CYP3A4: variants seen among roughly 807,000 people sequenced by gnomAD.
CYP3A4 encodes cytochrome P450 family 3 subfamily A member 4, also known as cytochrome P450 3A4.
A neutral mutation model predicts 54.9 loss-of-function variants in CYP3A4; 41 were observed. The observed-to-expected ratio is 0.75, with a 90% confidence interval of 0.58 to 0.97. The LOEUF (loss-of-function observed/expected upper bound fraction) is 0.97, where lower values mean the gene tolerates loss of function less well. Among genes scored for constraint, CYP3A4 ranks in the 50% least tolerant of loss-of-function variants. CYP3A4 has a pLI of 0.00. For synonymous variants in CYP3A4, 179 were observed against 205.2 expected (o/e 0.87, Z 1.09); for missense variants, 510 against 597.3 (o/e 0.85, Z 1.52).
chr7:99,769,747 C>A, intron 6 of CYP3A4, 21 bp downstream of exon 6: 1 of 1,613,706 alleles, frequency 6.2e-7, no homozygotes, highest in Non-Finnish European at 8.5e-7. Flanking sequence ...CTCAGAACCC[C>A]ATGGCTGCGC....
At chr7:99,763,361 T>C (rs1002087603) in intron 10 of CYP3A4, among the ~76,000 whole-genome samples, 1 of 152,004 alleles carries the variant, frequency 6.6e-6, no homozygotes, top group African/African-American at 2.4e-5. Context: ...ACCACTAGCA[T>C]CAAATAACAT....
At chr7:99,764,850 A>G (rs1471339441) in intron 9 of CYP3A4, among the ~76,000 whole-genome samples, 1 of 152,192 alleles carries the variant, frequency 6.6e-6, no homozygotes, top group Non-Finnish European at 1.5e-5. Flanking sequence ...AAATAGCATA[A>G]GCTCCTATGA....
In CYP3A4 at chr7:99,764,032, G is replaced by A. The variant is rs1815417454; in HGVS notation, c.866-17C>T. 6.2e-7 allele frequency: 1 copy of A among 1,613,714 alleles called. No individual in the cohort carries two copies. ...CGGACAGAGCTGAAAGGAGAGGAAA[G>A]ACATTTTAGGTAAATCAGATCAATG... On this transcript the variant is annotated splice_polypyrimidine_tract_variant and intron_variant, in intron 9 of 12. Coordinates refer to ENST00000651514, the MANE Select transcript of CYP3A4 (RefSeq NM_017460.6).
At chr7:99,764,160 A>T in intron 9 of CYP3A4, 145 bp from the exon 10 acceptor site, 1 of 1,209,456 alleles carries the variant, frequency 8.3e-7, no homozygotes. Flanking sequence ...GGGTGGTTTC[A>T]TTCTGATGTG....
chr7:99,767,123 C>T lies in CYP3A4; in HGVS notation c.798+8G>A, dbSNP rs760060230. The T allele has an allele frequency of 1.9e-6, 3 of 1,607,914 alleles. No individual in the cohort carries two copies. The highest frequency in any genetic ancestry group is 2.2e-5 in the South Asian group (2 of 89,698). On this transcript the variant is annotated splice_region_variant and intron_variant, in intron 8 of 12. Coordinates refer to ENST00000651514, the MANE Select transcript of CYP3A4 (RefSeq NM_017460.6). Reference sequence around the variant, plus strand: ...AAACATCCTCCTATAACTACCACCACATTTTACCTTTTGTGTATCTTCGAG... The same window carrying T: ...AAACATCCTCCTATAACTACCACCATATTTTACCTTTTGTGTATCTTCGAG...
intron 8 of CYP3A4, chr7:99,766,847 G>C (rs1815487727): frequency 5.6e-6 from 2 of 359,336 alleles, no homozygotes; most frequent in Admixed American, 8.9e-5. Context: ...TTGAAGGGAA[G>C]TAAAGTGGTA....
At chr7:99,764,045 AATCAG>A in intron 9 of CYP3A4, 30 bp from the exon 10 acceptor site, 1 of 1,613,484 alleles carries the variant, frequency 6.2e-7, no homozygotes. Context: ...ATTTTAGGTA[AATCAG>A]ATCAATGTAG....
At chr7:99,765,978 C>T (rs1815467555) in intron 9 of CYP3A4, among the ~76,000 whole-genome samples, 1 of 151,740 alleles carries the variant, frequency 6.6e-6, no homozygotes, top group South Asian at 2.1e-4. Flanking sequence ...TGGTTTTTGC[C>T]ATTACTTTTA....
chr7:99,764,351 T>G (rs1815423565), intron 9 of CYP3A4, among the ~76,000 whole-genome samples: 1 of 152,212 alleles, frequency 6.6e-6, no homozygotes, highest in Non-Finnish European at 1.5e-5. Flanking sequence ...TGAATGATCC[T>G]AAAAGTACTT....
At chr7:99,775,883 A>G (rs924161976) in intron 3 of CYP3A4, among the ~76,000 whole-genome samples, 6 of 152,234 alleles carry the variant, frequency 3.9e-5, no homozygotes, top group Non-Finnish European at 8.8e-5. Flanking sequence ...AGCAAAAGAA[A>G]CTATCATCAG....
At chr7:99,772,795 T>A (rs1433419858) in intron 3 of CYP3A4, 106 bp from the exon 4 acceptor site, 89 of 1,159,578 alleles carry the variant, frequency 7.7e-5, no homozygotes, top group Non-Finnish European at 1.1e-4. Context: ...AATCCCTTAG[T>A]TGTACAATAC....
At chr7:99,783,861 A>G (rs1815990349) in intron 1 of CYP3A4, 150 bp downstream of exon 1, 1 of 851,354 alleles carries the variant, frequency 1.2e-6, no homozygotes, top group Admixed American at 2.1e-5. Flanking sequence ...CACTTGCCTT[A>G]GCCTCCCAAA....
Position 99,768,440 on chromosome 7 carries a change from G to C in CYP3A4, c.584C>G (p.Ser195Cys). ...TSTSFGVNID[S>C]LNNPQDPFVE... The stretch of plus-strand genomic sequence containing the variant: ...AAAGGGGTCTTGTGGATTGTTGAGA[G>C]AGTCGATGTTCACTCCAAATGATGT... The change falls in exon 7 of 13, where the codon TCT becomes TGT. Residue 195 changes from serine (S) to cysteine (C), a missense_variant. Physicochemically the swap from Ser to Cys is moderately radical, Grantham distance 112. Around this residue, in one of 2 missense-constraint regions of CYP3A4, gnomAD observed 272 missense variants for 274.9 expected, o/e 0.99. Coordinates refer to ENST00000651514, the MANE Select transcript of CYP3A4 (RefSeq NM_017460.6). 6.2e-7 allele frequency: 1 copy of C among 1,614,068 alleles called. No homozygotes were observed. The highest frequency in any genetic ancestry group is 1.1e-5 in the South Asian group (1 of 91,080).
chr7:99,764,462 A>G (rs1815426223), intron 9 of CYP3A4, among the ~76,000 whole-genome samples: 5 of 152,224 alleles, frequency 3.3e-5, no homozygotes, highest in Admixed American at 2.0e-4. Flanking sequence ...TGCAACACTA[A>G]TGGTTAAATG....
intron 2 of CYP3A4, among the ~76,000 whole-genome samples, chr7:99,779,674 G>C (rs1815864230): frequency 6.6e-6 from 1 of 152,110 alleles, no homozygotes; most frequent in African/African-American, 2.4e-5. Flanking sequence ...AAGTATGACT[G>C]TACCTTCCTG....
rs145582851 is a variant in CYP3A4 at position 99,766,439 on chromosome 7, C to T, written c.803G>A (p.Arg268Gln). The change falls in exon 9 of 13, where the codon CGA (arginine) becomes CAA (glutamine). Residue 268 changes from arginine to glutamine, a missense_variant. Around this residue, in one of 2 missense-constraint regions of CYP3A4, gnomAD observed 238 missense variants for 322.5 expected, o/e 0.74. Transcript: ENST00000651514. ...AATCATCAGCTGAAGGAAATCCACT[C>T]GGTGCTAGAAGCAAAAAGAGAAATT... ...ESRLEDTQKH[R>Q]VDFLQLMIDS... The T allele has an allele frequency of 4.3e-6, 7 of 1,613,586 alleles. No homozygotes were observed. Among genetic ancestry groups the T allele is most frequent in the East Asian group, 2.2e-5 (1 of 44,842 alleles).
chr7:99,764,067 A>G (rs1447333546), intron 9 of CYP3A4, 52 bp from the exon 10 acceptor site: 3 of 1,611,614 alleles, frequency 1.9e-6, no homozygotes, highest in Non-Finnish European at 2.5e-6. Flanking sequence ...GTAGGGCATC[A>G]CAGTTTAGAT....
chr7:99,764,269 C>A (rs939893432), intron 9 of CYP3A4, among the ~76,000 whole-genome samples: 3 of 152,120 alleles, frequency 2.0e-5, no homozygotes, highest in African/African-American at 7.2e-5. Context: ...CCACCCCCGC[C>A]ACCTGCACAG....
intron 3 of CYP3A4, among the ~76,000 whole-genome samples, chr7:99,775,778 A>G (rs1316923068): frequency 4.6e-5 from 7 of 152,232 alleles, no homozygotes; most frequent in Non-Finnish European, 1.0e-4. Context: ...GGACACAGGC[A>G]TGGGCAAAGG....
Sources: gnomAD v4.1 joint callset for allele counts (sites outside exome capture counted in the v4.1 genomes callset) on GRCh38, gnomAD v4.1.1 for gene constraint, gnomAD v4.1.1 regional missense constraint, MANE v1.5 for transcripts, NCBI Gene and HGNC (gene_info 2026-07-23, HGNC 2026-07-21) for gene names.